The following ARMC3 variants were observed in gnomAD, a reference collection of about 807,000 sequenced individuals.
ARMC3 encodes the protein armadillo repeat-containing protein 3.
Under a neutral mutation model 90.3 loss-of-function variants are expected in ARMC3, and 74 were observed. The observed-to-expected ratio is 0.82, with a 90% CI of 0.68 to 0.99. The LOEUF is 0.99. ARMC3 is among the 50% of genes least tolerant of loss of function. The pLI is 0.00. For missense variants in ARMC3, 958 were observed against 1,042.8 expected, an observed-to-expected ratio of 0.92 and a Z score of 1.12; for synonymous variants, 334 against 361.8, an observed-to-expected ratio of 0.92 and a Z score of 0.87.
intron 10 of ARMC3, among the ~76,000 whole-genome samples, chr10:22,986,886 A>G (rs2131360195): frequency 6.6e-6 from 1 of 152,348 alleles, no homozygotes; most frequent in East Asian, 1.9e-4. Flanking sequence ...CTATTTTTAT[A>G]AAGGCATAGT....
chr10:23,003,372 A>G lies in ARMC3; in HGVS notation c.1689A>G (p.Ser563=). 6.2e-7 allele frequency: 1 copy of G among 1,611,670 alleles called. No homozygotes were observed. The highest frequency in any genetic ancestry group is 8.5e-7 in the Non-Finnish European group (1 of 1,179,020). Residue 563 remains serine (S), a synonymous_variant, in exon 13 of 19, where the codon TCA becomes TCG. Transcript: ENST00000298032. ...SLKYSQTGYL[S]SSNIINDGFY... Reference sequence around the variant, plus strand: ...AATACAGCCAGACTGGCTATTTGTCATCAAGTAACATAATTAACGATGGAT... The same window carrying G: ...AATACAGCCAGACTGGCTATTTGTCGTCAAGTAACATAATTAACGATGGAT...
intron 8 of ARMC3, among the ~76,000 whole-genome samples, chr10:22,971,902 G>A (rs770629037): frequency 1.2e-4 from 18 of 152,146 alleles, no homozygotes; most frequent in South Asian, 2.1e-4. Context: ...TGGGCGTGAG[G>A]TGCTATCTCA....
chr10:22,974,212 A>G (rs1465449638), intron 8 of ARMC3, among the ~76,000 whole-genome samples: 3 of 152,162 alleles, frequency 2.0e-5, no homozygotes, highest in Non-Finnish European at 2.9e-5. Context: ...CAGAAAAAAA[A>G]TTCTGGAGAC....
intron 17 of ARMC3, 22 bp downstream of exon 17, chr10:23,030,818 G>A: frequency 6.2e-7 from 1 of 1,603,060 alleles, no homozygotes; most frequent in Non-Finnish European, 8.5e-7. Context: ...ATGTATATAT[G>A]TGTTTTTAAT....
intron 1 of ARMC3, among the ~76,000 whole-genome samples, chr10:22,929,006 C>G (rs113559191): frequency 0.16 from 24,551 of 152,070 alleles, 3,142 homozygotes; most frequent in African/African-American, 0.36. Context: ...GCGGGTGGAT[C>G]GCCTGAAGTC....
intron 7 of ARMC3, among the ~76,000 whole-genome samples, chr10:22,962,699 C>T (rs1428488562): frequency 6.6e-6 from 1 of 152,084 alleles, no homozygotes; most frequent in East Asian, 1.9e-4. Flanking sequence ...ACTTGAAGTA[C>T]CTCTTAGAAA....
chr10:23,030,826 A>C (rs755706287), intron 17 of ARMC3, 30 bp downstream of exon 17: 2 of 1,597,044 alleles, frequency 1.3e-6, no homozygotes, highest in African/African-American at 2.7e-5. Flanking sequence ...ATGTGTTTTT[A>C]ATTTCTGAAA....
Position 22,962,019 on chromosome 10 carries a change from C to T in ARMC3, c.673C>T (p.Arg225Ter), listed in dbSNP as rs996580496. 7.5e-6 allele frequency: 12 copies of T among 1,610,582 alleles called. No homozygotes were observed. Among genetic ancestry groups the T allele is most frequent in the Admixed American group, 1.7e-5 (1 of 59,174 alleles). Reference sequence around the variant, plus strand: ...TGTTATTGCAAATGATAAGGAGTCTCGAACAATGCTAAGAGACAATCAAGG... The same window carrying T: ...TGTTATTGCAAATGATAAGGAGTCTTGAACAATGCTAAGAGACAATCAAGG... ...LGVIANDKES[R>*]TMLRDNQGLD... The change falls in exon 7 of 19, where the codon CGA (arginine) becomes TGA (stop). Residue 225 changes from arginine to a stop codon, truncating the protein, a stop_gained. Coordinates refer to ENST00000298032, the MANE Select transcript of ARMC3 (RefSeq NM_173081.5). LOFTEE classifies it high-confidence loss of function.
chr10:22,928,897 G>T (rs1019722175), intron 1 of ARMC3, among the ~76,000 whole-genome samples: 4 of 152,194 alleles, frequency 2.6e-5, no homozygotes, highest in Non-Finnish European at 5.9e-5. Flanking sequence ...GAAAGTAGGG[G>T]ATAGAAGTTG....
At position 22,933,197 on chromosome 10, in the gene ARMC3, T is replaced by C. The variant is rs1046633932; in HGVS notation, c.48+1153T>C. Among the ~76,000 whole-genome samples, 3 of 152,178 alleles carry C rather than the reference T, an allele frequency of 2.0e-5. No homozygotes were observed. The East Asian group carries it at 5.8e-4, about 29-fold the overall frequency. On this transcript the variant is annotated intron_variant, in intron 2 of 18. Transcript: ENST00000298032. ...CTTTGCAGGGGTAGACATTGTGATC[T>C]CATGATGTTTCATCATTCTGGCTGC...
At chr10:23,030,482 G>T in intron 16 of ARMC3, 114 bp from the exon 17 acceptor site, 1 of 1,472,622 alleles carries the variant, frequency 6.8e-7, no homozygotes, top group Non-Finnish European at 9.0e-7. Context: ...ATCTCATGTT[G>T]CTCAAGGGTT....
At position 22,979,068 on chromosome 10, in the gene ARMC3, A is replaced by C. The variant is rs548987665; in HGVS notation, c.917-2272A>C. 3.0e-4 allele frequency among the ~76,000 whole-genome samples: 46 copies of C among 152,338 alleles called. No individual in the cohort carries two copies. In the South Asian group the frequency reaches 7.3e-3, roughly 24 times the overall value. On this transcript the variant is annotated intron_variant, in intron 8 of 18. Coordinates refer to ENST00000298032, the MANE Select transcript of ARMC3 (RefSeq NM_173081.5). ...TACCATGTTGCCATGAGGTTTATGAACTGGCATTAACATCTCAGCAGGAGC... is the reference window on the plus strand; with the variant it reads ...TACCATGTTGCCATGAGGTTTATGACCTGGCATTAACATCTCAGCAGGAGC...
chr10:23,036,005 G>A (rs1020693321), intron 18 of ARMC3, among the ~76,000 whole-genome samples: 2 of 152,052 alleles, frequency 1.3e-5, no homozygotes, highest in Non-Finnish European at 2.9e-5. Context: ...AGATGCCCTC[G>A]CTCTCACTTT....
At chr10:23,006,637 T>C in intron 13 of ARMC3, 1 of 409,442 alleles carries the variant, frequency 2.4e-6, no homozygotes, top group Non-Finnish European at 4.5e-6. Context: ...ATGATAATGA[T>C]GGGATGAAAC....
chr10:23,018,251 G>C (rs568136132), intron 16 of ARMC3, among the ~76,000 whole-genome samples: 2 of 152,290 alleles, frequency 1.3e-5, no homozygotes, highest in South Asian at 4.1e-4. Flanking sequence ...TAAAGTCCTT[G>C]GGCAGGGAAG....
intron 4 of ARMC3, 109 bp from the exon 5 acceptor site, chr10:22,958,961 G>A (rs893504582): frequency 3.5e-6 from 3 of 864,654 alleles, no homozygotes; most frequent in Non-Finnish European, 5.6e-6. Context: ...GACCTCAAGT[G>A]ATTCACCCGC....
chr10:23,008,861 G>A lies in ARMC3; in HGVS notation c.1975G>A (p.Asp659Asn), dbSNP rs1252377084. 6 of 1,613,558 alleles carry A rather than the reference G, an allele frequency of 3.7e-6. No individual in the cohort carries two copies. The highest frequency in any genetic ancestry group is 1.7e-5 in the Admixed American group (1 of 59,942). The part of the protein sequence containing the change: ...FSAGFGSPIE[D>N]KSEPASGRNT... Reference sequence around the variant, plus strand: ...TGCTGGATTTGGATCTCCCATAGAAGACAAATCAGAGCCAGCTTCTGGACG... The same window carrying A: ...TGCTGGATTTGGATCTCCCATAGAAAACAAATCAGAGCCAGCTTCTGGACG... Residue 659 changes from aspartate to asparagine, a missense_variant, in exon 16 of 19, where the codon GAC becomes AAC. Coordinates refer to ENST00000298032, the MANE Select transcript of ARMC3 (RefSeq NM_173081.5).
intron 4 of ARMC3, 70 bp from the exon 5 acceptor site, chr10:22,959,000 G>A: frequency 1.6e-6 from 2 of 1,282,964 alleles, no homozygotes; most frequent in Non-Finnish European, 2.3e-6. Flanking sequence ...TGGGATTACA[G>A]GCATGAGCCA....
intron 18 of ARMC3, 80 bp downstream of exon 18, chr10:23,033,103 C>A: frequency 7.6e-7 from 1 of 1,320,966 alleles, no homozygotes; most frequent in Non-Finnish European, 1.1e-6. Flanking sequence ...CAGTTGCTAA[C>A]ATTTAACTGG....
Sources: gnomAD v4.1 joint callset for allele counts (sites outside exome capture counted in the v4.1 genomes callset) on GRCh38, gnomAD v4.1.1 for gene constraint, MANE v1.5 for transcripts, NCBI Gene and HGNC (gene_info 2026-07-23, HGNC 2026-07-21) for gene names.